KCNAB1: variants seen among roughly 807,000 people sequenced by gnomAD.
KCNAB1 encodes potassium voltage-gated channel subfamily A regulatory beta subunit 1, also known as voltage-gated potassium channel subunit beta-1.
A neutral mutation model predicts 64.6 loss-of-function variants in KCNAB1; 35 were observed. That is an observed-to-expected ratio of 0.54 (90% CI 0.41 to 0.72). KCNAB1 has a LOEUF of 0.72. KCNAB1 is among the 30% of genes least tolerant of loss of function. The pLI is 0.00. For missense variants in KCNAB1, 401 were observed against 512.9 expected, an observed-to-expected ratio of 0.78 and a Z score of 2.11; for synonymous variants, 177 against 183.8, an observed-to-expected ratio of 0.96 and a Z score of 0.30.
At chr3:156,212,702 G>A (rs1715085971) in intron 1 of KCNAB1, among the ~76,000 whole-genome samples, 1 of 152,160 alleles carries the variant, frequency 6.6e-6, no homozygotes, top group Non-Finnish European at 1.5e-5. Flanking sequence ...AAAATCAGAA[G>A]GGTAGGCACA....
At chr3:156,118,378 G>C (rs1371602143), upstream of KCNAB1, 1 of 451,060 alleles carries the variant, frequency 2.2e-6, no homozygotes, top group South Asian at 1.6e-5. Context: ...CTCAAGAGTG[G>C]TGGGTGAAAG....
chr3:156,194,287 A>G (rs1713748053), intron 1 of KCNAB1, among the ~76,000 whole-genome samples: 1 of 151,830 alleles, frequency 6.6e-6, no homozygotes, highest in Non-Finnish European at 1.5e-5. Flanking sequence ...ATGATGAATT[A>G]TTTCAGCTCC....
At chr3:156,276,626 C>G (rs1222014863) in intron 1 of KCNAB1, among the ~76,000 whole-genome samples, 1 of 152,162 alleles carries the variant, frequency 6.6e-6, no homozygotes, top group African/African-American at 2.4e-5. Flanking sequence ...GTACTTACTG[C>G]TTCACCTTGC....
At chr3:156,127,414 A>G (rs1713722633) in intron 1 of KCNAB1, among the ~76,000 whole-genome samples, 1 of 152,228 alleles carries the variant, frequency 6.6e-6, no homozygotes, top group Non-Finnish European at 1.5e-5. Flanking sequence ...TATTATTTTC[A>G]GAGATATTGG....
At chr3:156,235,910 A>G (rs1716822518) in intron 1 of KCNAB1, among the ~76,000 whole-genome samples, 1 of 152,122 alleles carries the variant, frequency 6.6e-6, no homozygotes. Flanking sequence ...TTTGATTAGT[A>G]CCCAAAAGGT....
intron 1 of KCNAB1, among the ~76,000 whole-genome samples, chr3:156,274,443 A>G (rs1576666692): frequency 6.6e-6 from 1 of 152,226 alleles, no homozygotes; most frequent in Non-Finnish European, 1.5e-5. Context: ...CATTTGACTT[A>G]CAAGAGTAAT....
In KCNAB1 at chr3:156,357,159, G is replaced by GCGCGCACA. The variant is rs545909634; in HGVS notation, c.276-64456_276-64455insGCGCACAC. Among the ~76,000 whole-genome samples, 37 of 147,404 alleles carry GCGCGCACA rather than the reference G, an allele frequency of 2.5e-4. 1 individual carries two copies. The highest frequency in any genetic ancestry group is 8.4e-4 in the African/African-American group (34 of 40,520). ...CACATACACAAACACACATGTGCGC[G>GCGCGCACA]CACACACACACACACACACACACAC... On this transcript the variant is annotated intron_variant, in intron 1 of 13. Coordinates refer to ENST00000490337, the MANE Select transcript of KCNAB1 (RefSeq NM_172160.3).
chr3:156,391,374 C>T (rs1044872656), intron 1 of KCNAB1, among the ~76,000 whole-genome samples: 2 of 151,976 alleles, frequency 1.3e-5, no homozygotes, highest in Non-Finnish European at 2.9e-5. Context: ...TTTTCATTTG[C>T]CCCACTGGCC....
At chr3:156,462,979 A>G (rs1387276764) in intron 5 of KCNAB1, among the ~76,000 whole-genome samples, 2 of 152,200 alleles carry the variant, frequency 1.3e-5, no homozygotes, top group African/African-American at 4.8e-5. Context: ...TGAGATATGC[A>G]CATTTCATTC....
At chr3:156,173,098 G>C (rs936829081) in intron 1 of KCNAB1, among the ~76,000 whole-genome samples, 10 of 152,222 alleles carry the variant, frequency 6.6e-5, no homozygotes, top group African/African-American at 2.2e-4. Context: ...GAAAAGCCTG[G>C]AAGAAGATCT....
intron 8 of KCNAB1, among the ~76,000 whole-genome samples, chr3:156,475,677 T>C (rs73023956): frequency 1.4e-3 from 211 of 152,334 alleles, no homozygotes; most frequent in African/African-American, 4.9e-3. Context: ...TGAGATTACA[T>C]TGAAGGTAAC....
rs528376431 is a variant in KCNAB1 at position 156,483,028 on chromosome 3, G to A, written c.658+8208G>A. Among the ~76,000 whole-genome samples, 3 of 152,188 alleles carry A rather than the reference G, an allele frequency of 2.0e-5. No homozygotes were observed. The South Asian group carries it at 6.2e-4, about 32-fold the overall frequency. On this transcript the variant is annotated intron_variant, in intron 8 of 13. Transcript: ENST00000490337. Reference sequence around the variant, plus strand: ...GAGAAGAAAGAGGGGAAGAGATAGGGACAGTTAAAATAATTACACTAGAAT... The same window carrying A: ...GAGAAGAAAGAGGGGAAGAGATAGGAACAGTTAAAATAATTACACTAGAAT...
intron 2 of KCNAB1, among the ~76,000 whole-genome samples, chr3:156,428,821 G>T (rs575706416): frequency 6.6e-6 from 1 of 152,082 alleles, no homozygotes; most frequent in Non-Finnish European, 1.5e-5. Context: ...GTTTGATCTG[G>T]ACCTAAGCAG....
In KCNAB1 at chr3:156,180,871, T is replaced by C. The variant is rs1169278484; in HGVS notation, c.275+59985T>C. On this transcript the variant is annotated intron_variant, in intron 1 of 13. Coordinates refer to ENST00000490337, the MANE Select transcript of KCNAB1 (RefSeq NM_172160.3). Reference sequence around the variant, plus strand: ...GCCTTGAAGATGTACATTAGTTTGTTTGGGTTGCCACAGCAAAGTACCACA... The same window carrying C: ...GCCTTGAAGATGTACATTAGTTTGTCTGGGTTGCCACAGCAAAGTACCACA... 2.0e-5 allele frequency among the ~76,000 whole-genome samples: 3 copies of C among 152,120 alleles called. 1 individual carries two copies. The highest frequency in any genetic ancestry group is 4.4e-5 in the Non-Finnish European group (3 of 68,018).
In KCNAB1 at chr3:156,143,249, C is replaced by T. The variant is rs759644751; in HGVS notation, c.275+22363C>T. ...CTGGGTCTGCCAAAATCCAGTGAAT[C>T]GGCTCTAAAATGTAGATGGCACCTA... On this transcript the variant is annotated intron_variant, in intron 1 of 13. Coordinates refer to ENST00000490337, the MANE Select transcript of KCNAB1 (RefSeq NM_172160.3). The T allele has an allele frequency of 2.6e-5, 42 of 1,613,872 alleles. No individual in the cohort carries two copies. In the East Asian group the frequency reaches 2.7e-4, roughly 10 times the overall value.
intron 1 of KCNAB1, among the ~76,000 whole-genome samples, chr3:156,230,244 G>T (rs1235513467): frequency 1.3e-5 from 2 of 152,098 alleles, no homozygotes; most frequent in African/African-American, 4.8e-5. Flanking sequence ...TATGATCATG[G>T]TCTCATAAGA....
intron 2 of KCNAB1, among the ~76,000 whole-genome samples, chr3:156,449,153 T>C (rs1347882974): frequency 6.6e-6 from 1 of 152,148 alleles, no homozygotes; most frequent in East Asian, 1.9e-4. Context: ...AATGTAAATA[T>C]ATATAATATT....
chr3:156,482,068 A>G (rs1263982141), intron 8 of KCNAB1, among the ~76,000 whole-genome samples: 1 of 152,132 alleles, frequency 6.6e-6, no homozygotes, highest in Non-Finnish European at 1.5e-5. Context: ...AGGATCTGTG[A>G]TGAAGTCATG....
Position 156,324,862 on chromosome 3 carries a change from G to A in KCNAB1, c.276-96754G>A, listed in dbSNP as rs188512572. On this transcript the variant is annotated intron_variant, in intron 1 of 13. Coordinates refer to ENST00000490337, the MANE Select transcript of KCNAB1 (RefSeq NM_172160.3). ...TGGAATCCAGTTCTTGAGAGTGTGA[G>A]TACAGGGGAGCTCCTTTTCTTATTA... Among the ~76,000 whole-genome samples the A allele has an allele frequency of 2.1e-4, 32 of 152,228 alleles. 1 individual carries two copies. In the East Asian group the frequency reaches 4.1e-3, roughly 19 times the overall value.
Sources: gnomAD v4.1 joint callset for allele counts (sites outside exome capture counted in the v4.1 genomes callset) on GRCh38, gnomAD v4.1.1 for gene constraint, MANE v1.5 for transcripts, NCBI Gene and HGNC (gene_info 2026-07-23, HGNC 2026-07-21) for gene names.